SGK2: variants seen among roughly 807,000 people sequenced by gnomAD.
The protein encoded by SGK2 is serine/threonine-protein kinase Sgk2.
SGK2 carries 36 observed loss-of-function variants against 47.5 expected under a neutral mutation model. That is an observed-to-expected ratio of 0.76 (90% CI 0.58 to 1.00). The LOEUF (loss-of-function observed/expected upper bound fraction) is 1.00, where lower values mean the gene tolerates loss of function less well. SGK2 is among the 50% of genes least tolerant of loss of function. The pLI, the probability that SGK2 is intolerant of heterozygous loss-of-function variation, is 0.00. For synonymous variants in SGK2, 157 were observed against 181.9 expected (o/e 0.86, Z 1.10); for missense variants, 404 against 467.4 (o/e 0.86, Z 1.25).
At position 43,567,947 on chromosome 20, in the gene SGK2, C is replaced by T. The variant is rs1200346658; in HGVS notation, c.176C>T (p.Ala59Val). 3.7e-6 allele frequency: 6 copies of T among 1,614,130 alleles called. No individual in the cohort carries two copies. The highest frequency in any genetic ancestry group is 1.1e-5 in the South Asian group (1 of 91,078). ...CTGGCCAAGCGCAAGTCTGATGGGG[C>T]GTTCTATGCAGTGAAGGTACTACAG... The part of the protein sequence containing the change: ...VLLAKRKSDG[A>V]FYAVKVLQKK... Residue 59 changes from alanine (A) to valine (V), a missense_variant, in exon 5 of 13, where the codon GCG becomes GTG. Transcript: ENST00000373100.
At chr20:43,575,660 G>A (rs975736500) in intron 10 of SGK2, among the ~76,000 whole-genome samples, 1 of 152,110 alleles carries the variant, frequency 6.6e-6, no homozygotes, top group Admixed American at 6.6e-5. Flanking sequence ...TGCCTGCTTA[G>A]GTAGAGGCAT....
intron 1 of SGK2, among the ~76,000 whole-genome samples, chr20:43,562,572 C>A (rs1294344450): frequency 6.6e-6 from 1 of 150,660 alleles, no homozygotes; most frequent in East Asian, 2.0e-4. Flanking sequence ...GAAACCCAGT[C>A]TCTACTAAAA....
At position 43,574,948 on chromosome 20, in the gene SGK2, C is replaced by T. The variant is rs754924930; in HGVS notation, c.637C>T (p.Arg213Ter). 24 of 1,613,562 alleles carry T rather than the reference C, an allele frequency of 1.5e-5. No homozygotes were observed. Among genetic ancestry groups the T allele is most frequent in the Admixed American group, 5.0e-5 (3 of 59,986 alleles). The change falls in exon 10 of 13, where the codon CGA becomes TGA. Residue 213 changes from arginine (R) to a stop codon, truncating the protein, a stop_gained. Coordinates refer to ENST00000373100, the MANE Select transcript of SGK2 (RefSeq NM_170693.3). LOFTEE classifies it high-confidence loss of function. ...PEVLRKEPYDRAVDWWCLGAV... is the reference protein window; with the variant it reads ...PEVLRKEPYD ...AGTGCTTCGGAAAGAGCCTTATGAT[C>T]GAGCAGTGGACTGGTGGTGCTTGGG...
At chr20:43,566,937 G>GT in intron 2 of SGK2, 131 bp from the exon 3 acceptor site, 1 of 670,086 alleles carries the variant, frequency 1.5e-6, no homozygotes, top group Non-Finnish European at 2.5e-6. Context: ...GCGGGCAGGT[G>GT]AAAAAAAAAG....
Position 43,572,695 on chromosome 20 carries a change from A to C in SGK2, c.597+558A>C, listed in dbSNP as rs1980216241. 6.6e-6 allele frequency among the ~76,000 whole-genome samples: 1 copy of C among 152,164 alleles called. No individual in the cohort carries two copies. The highest frequency in any genetic ancestry group is 2.4e-5 in the African/African-American group (1 of 41,418). On this transcript the variant is annotated intron_variant, in intron 9 of 12. Coordinates refer to ENST00000373100, the MANE Select transcript of SGK2 (RefSeq NM_170693.3). This position sits in a 1 kb window ranked among gnomAD's most constrained non-coding sequence, Gnocchi z 4.2. ...TCCATCTCAAAAAAAAAGAAAAAAG[A>C]AAGAAATTCAAACCACATAAACACT...
At chr20:43,570,999 G>A in intron 7 of SGK2, 25 bp from the exon 8 acceptor site, 1 of 1,612,140 alleles carries the variant, frequency 6.2e-7, no homozygotes, top group Non-Finnish European at 8.5e-7. Flanking sequence ...GACACCTCAA[G>A]GCTGTTTTCT....
intron 9 of SGK2, among the ~76,000 whole-genome samples, chr20:43,573,986 G>A (rs1980314996): frequency 6.6e-6 from 1 of 152,170 alleles, no homozygotes; most frequent in Non-Finnish European, 1.5e-5. Context: ...AGCCATGGTT[G>A]CTCCCATTGT....
At position 43,576,143 on chromosome 20, in the gene SGK2, C is replaced by T. The variant is rs999065205; in HGVS notation, c.694-81C>T. ...AGGGGTCATACTGAATCCTCCCAGC[C>T]GCCCACCTTGCTCCAAGTCTCCCCG... On this transcript the variant is annotated intron_variant, in intron 10 of 12. Coordinates refer to ENST00000373100, the MANE Select transcript of SGK2 (RefSeq NM_170693.3). 173 of 1,540,458 alleles carry T rather than the reference C, an allele frequency of 1.1e-4. 4 individuals carry two copies. The highest frequency in any genetic ancestry group is 7.6e-5 in the Non-Finnish European group (86 of 1,128,100).
rs1295140925 is a variant in SGK2, at chr20:43,565,989, A to T, written c.-23-484A>T. ...CTGCGCACAGTAATTCAGGGTTGCC[A>T]TTGTTCCTCTATGGGAGTCCGGAGA... On this transcript the variant is annotated intron_variant, in intron 1 of 12. Coordinates refer to ENST00000373100, the MANE Select transcript of SGK2 (RefSeq NM_170693.3). The T allele has an allele frequency of 3.1e-5, 7 of 222,722 alleles. No individual in the cohort carries two copies. The East Asian group carries it at 6.7e-4, about 21-fold the overall frequency. The allele number at this position is 222,722 out of a possible 1,614,324, so 13.8% of individuals were successfully genotyped here. A position where few individuals can be genotyped will look rare whatever the true frequency, so the allele number is the denominator to read the frequency against.
intron 1 of SGK2, among the ~76,000 whole-genome samples, chr20:43,561,800 G>T (rs1979402810): frequency 6.6e-6 from 1 of 151,572 alleles, no homozygotes; most frequent in African/African-American, 2.4e-5. Flanking sequence ...CATAGAGAAA[G>T]ATTGTAGTGG....
chr20:43,578,593 T>C (rs1488422794), intron 11 of SGK2, among the ~76,000 whole-genome samples: 1 of 152,212 alleles, frequency 6.6e-6, no homozygotes, highest in Non-Finnish European at 1.5e-5. Flanking sequence ...GCTTAATTTC[T>C]GTGAGCCGCA....
At chr20:43,582,350 C>T (rs1410953993) in intron 12 of SGK2, among the ~76,000 whole-genome samples, 2 of 152,038 alleles carry the variant, frequency 1.3e-5, no homozygotes, top group African/African-American at 2.4e-5. Flanking sequence ...AGCCACCACA[C>T]CTGGCCAGTT....
At chr20:43,566,585 C>T (rs1979735336) in intron 2 of SGK2, 54 bp downstream of exon 2, 25 of 1,281,716 alleles carry the variant, frequency 2.0e-5, no homozygotes, top group Non-Finnish European at 2.7e-5. Flanking sequence ...CTTCCCGAGG[C>T]TAAGGAAATC....
At chr20:43,582,103 AG>A in intron 12 of SGK2, among the ~76,000 whole-genome samples, 1 of 152,232 alleles carries the variant, frequency 6.6e-6, no homozygotes, top group Non-Finnish European at 1.5e-5. Flanking sequence ...GCTGATGTGC[AG>A]TGGCATGATC....
At chr20:43,571,901 C>T in intron 8 of SGK2, 150 bp from the exon 9 acceptor site, 1 of 608,460 alleles carries the variant, frequency 1.6e-6, no homozygotes, top group East Asian at 2.8e-5. Context: ...AGTCCAGGAG[C>T]CCTGTGTTGG....
chr20:43,567,776 C>G, intron 4 of SGK2, 54 bp downstream of exon 4: 6 of 1,587,500 alleles, frequency 3.8e-6, no homozygotes, highest in Non-Finnish European at 5.2e-6. Flanking sequence ...GCAGCCTCTT[C>G]CAGCCCCTGC....
chr20:43,573,246 T>C (rs970898222), intron 9 of SGK2, among the ~76,000 whole-genome samples: 1 of 152,218 alleles, frequency 6.6e-6, no homozygotes, highest in Non-Finnish European at 1.5e-5. Context: ...CTCAACACTT[T>C]GGTAGGCCGA....
rs144125273 is a variant in SGK2 at position 43,570,749 on chromosome 20, C to T, written c.473+20C>T. 553 of 1,571,206 alleles carry T rather than the reference C, an allele frequency of 3.5e-4. 3 individuals are homozygous for T. In the African/African-American group the frequency reaches 6.7e-3, roughly 19 times the overall value. On this transcript the variant is annotated intron_variant, in intron 7 of 12. Coordinates refer to ENST00000373100, the MANE Select transcript of SGK2 (RefSeq NM_170693.3). ...TTACAGGTGAGGCCTGCCTGTGGCT[C>T]AGAGCCAGGACCAAGCCCTTCTTGC...
At position 43,584,939 on chromosome 20, in the gene SGK2, G is replaced by T; in HGVS notation, c.1027G>T (p.Ala343Ser). Residue 343 changes from alanine to serine, a missense_variant, in exon 13 of 13, where the codon GCC becomes TCC. Physicochemically the swap from Ala to Ser is moderately conservative, Grantham distance 99. Transcript: ENST00000373100. ...CATTGGCTGTACCCCTGACACTGTGGCCAGCAGCTCTGGGGCCTCAAGTGC... is the reference window on the plus strand; with the variant it reads ...CATTGGCTGTACCCCTGACACTGTGTCCAGCAGCTCTGGGGCCTCAAGTGC... ...KSIGCTPDTV[A>S]SSSGASSAFL... 6.2e-7 allele frequency: 1 copy of T among 1,614,142 alleles called. No individual in the cohort carries two copies.
Sources: allele counts gnomAD v4.1 joint callset (sites outside exome capture counted in the v4.1 genomes callset), GRCh38; gene constraint gnomAD v4.1.1; non-coding constraint Gnocchi (gnomAD v3.1); transcripts MANE v1.5; gene names NCBI Gene and HGNC (gene_info 2026-07-23, HGNC 2026-07-21).